The following TFEB variants were observed in gnomAD, a reference collection of about 807,000 sequenced individuals.
TFEB encodes the protein transcription factor EB.
A neutral mutation model predicts 48.0 loss-of-function variants in TFEB; 12 were observed. That is an observed-to-expected ratio of 0.25 (90% CI 0.16 to 0.40). The LOEUF (loss-of-function observed/expected upper bound fraction) is 0.40, where lower values mean the gene tolerates loss of function less well. Among genes scored for constraint, TFEB ranks in the 10% least tolerant of loss-of-function variants. The probability of loss-of-function intolerance (pLI) is 1.00; values close to 1 mark genes in which losing one functional copy is unlikely to be tolerated. For synonymous variants in TFEB, 244 were observed against 261.4 expected (o/e 0.93, Z 0.64); for missense variants, 509 against 640.3 (o/e 0.79, Z 2.21).
At chr6:41,702,897 T>C (rs1770007434) in intron 1 of TFEB, among the ~76,000 whole-genome samples, 1 of 152,208 alleles carries the variant, frequency 6.6e-6, no homozygotes, top group African/African-American at 2.4e-5. Context: ...ACAAATAACA[T>C]GCAGAGGCTG....
chr6:41,686,900 C>T, intron 7 of TFEB, 194 bp downstream of exon 7: 1 of 614,722 alleles, frequency 1.6e-6, no homozygotes, highest in Non-Finnish European at 2.9e-6. Context: ...ACTTCCAGGA[C>T]AGAAACTCAT....
In TFEB at chr6:41,695,379, T is replaced by TCA. The variant is rs144641581; in HGVS notation, c.-22-4146_-22-4145dup. Among the ~76,000 whole-genome samples the TCA allele has an allele frequency of 5.9e-5, 9 of 152,326 alleles. No individual in the cohort carries two copies. The East Asian group carries it at 1.7e-3, about 29-fold the overall frequency. The stretch of plus-strand genomic sequence containing the variant: ...GGTATATGTGTAGACAACAGGAAGA[T>TCA]CAGAGTACCAACCGCTAAATGCTTC... On this transcript the variant is annotated intron_variant, in intron 1 of 8. Transcript: ENST00000373033.
At chr6:41,703,356 C>T (rs1433921945) in intron 1 of TFEB, among the ~76,000 whole-genome samples, 2 of 152,108 alleles carry the variant, frequency 1.3e-5, no homozygotes, top group Non-Finnish European at 2.9e-5. Flanking sequence ...GGTCCCAGTG[C>T]CTAAGCCACC....
At chr6:41,697,408 C>CAAAAACAAAAAAAA (rs1769652042) in intron 1 of TFEB, among the ~76,000 whole-genome samples, 1 of 63,520 alleles carries the variant, frequency 1.6e-5, no homozygotes, top group African/African-American at 8.7e-5. Context: ...AACTCCATCT[C>CAAAAACAAAAAAAA]AAAAAAAAAA....
chr6:41,733,902 T>C, intron 1 of TFEB: 4 of 985,536 alleles, frequency 4.1e-6, no homozygotes, highest in Non-Finnish European at 4.8e-6. Flanking sequence ...CATCCCCAGC[T>C]GCCCAACAGT....
At chr6:41,685,654 T>A (rs544704351) in intron 8 of TFEB, among the ~76,000 whole-genome samples, 3 of 152,276 alleles carry the variant, frequency 2.0e-5, no homozygotes, top group Admixed American at 2.0e-4. Flanking sequence ...AGATTCCTAG[T>A]GCCACCCACC....
chr6:41,690,606 A>G, intron 3 of TFEB, 57 bp downstream of exon 3: 2 of 1,464,940 alleles, frequency 1.4e-6, no homozygotes, highest in Non-Finnish European at 9.0e-7. Flanking sequence ...TCTCAGAAGC[A>G]CAGCAGTGGG....
chr6:41,733,923 G>T (rs1245930618), intron 1 of TFEB: 1 of 981,464 alleles, frequency 1.0e-6, no homozygotes, highest in South Asian at 4.7e-5. Context: ...GCCAGGTCTG[G>T]GCCAATGGAA....
At chr6:41,695,424 C>T (rs574856471) in intron 1 of TFEB, among the ~76,000 whole-genome samples, 1 of 152,336 alleles carries the variant, frequency 6.6e-6, no homozygotes, top group African/African-American at 2.4e-5. Context: ...TGCCATGGGT[C>T]AGGGCTGGTC....
At chr6:41,714,171 G>GCA (rs1770621461) in intron 1 of TFEB, among the ~76,000 whole-genome samples, 1 of 143,108 alleles carries the variant, frequency 7.0e-6, no homozygotes, top group African/African-American at 2.8e-5. Flanking sequence ...GTGTGCATGT[G>GCA]TGCGTGTGTG....
At chr6:41,727,645 T>C (rs1771269158) in intron 1 of TFEB, among the ~76,000 whole-genome samples, 1 of 152,126 alleles carries the variant, frequency 6.6e-6, no homozygotes, top group African/African-American at 2.4e-5. Context: ...TGAGCCATGA[T>C]TGTGCCACTG....
chr6:41,735,420 C>T lies in TFEB; in HGVS notation c.-93G>A, dbSNP rs1771640428. 1 of 985,590 alleles carries T rather than the reference C, an allele frequency of 1.0e-6. No homozygotes were observed. The highest frequency in any genetic ancestry group is 1.1e-4 in the East Asian group (1 of 8,820). 61.1% of individuals were successfully genotyped at this position (985,590 alleles called of 1,614,324 possible). ...CGGCAACTTGTCGCAAGTTCGGGTG[C>T]CTGGCCCGCAAGCTGTGCCCGCCAC... On this transcript the variant is annotated 5_prime_UTR_variant, in exon 1 of 9. Transcript: ENST00000373033.
At chr6:41,705,665 C>G (rs897119410) in intron 1 of TFEB, 1 of 152,908 alleles carries the variant, frequency 6.5e-6, no homozygotes, top group Non-Finnish European at 1.5e-5. Context: ...CCACCGCAGG[C>G]TGGACCTCTT....
rs1771648610 is a variant in TFEB, at chr6:41,735,587, C to G, written c.-260G>C. On this transcript the variant is annotated 5_prime_UTR_variant, in exon 1 of 9. Coordinates refer to ENST00000373033, the MANE Select transcript of TFEB (RefSeq NM_001271944.2). ...GTCACCGAGCCCCGCGCCCGGCGCCCGGGCTCCGGCTGTCACTCCACGCAC... is the reference window on the plus strand; with the variant it reads ...GTCACCGAGCCCCGCGCCCGGCGCCGGGGCTCCGGCTGTCACTCCACGCAC... 1.0e-6 allele frequency: 1 copy of G among 982,308 alleles called. No individual in the cohort carries two copies. The highest frequency in any genetic ancestry group is 1.2e-6 in the Non-Finnish European group (1 of 827,430). The allele number at this position is 982,308 out of a possible 1,614,324, so 60.8% of individuals were successfully genotyped here.
At chr6:41,733,667 CAGG>C in intron 1 of TFEB, 1 of 985,468 alleles carries the variant, frequency 1.0e-6, no homozygotes, top group Non-Finnish European at 1.2e-6. Flanking sequence ...AGCATACCGT[CAGG>C]TTAGCAGGCA....
At chr6:41,690,939 G>T in intron 2 of TFEB, 22 bp from the exon 3 acceptor site, 1 of 1,571,520 alleles carries the variant, frequency 6.4e-7, no homozygotes, top group Non-Finnish European at 8.7e-7. Context: ...AAAAGGCAAG[G>T]GCTCTAGGGG....
chr6:41,701,589 C>T (rs1179033790), intron 1 of TFEB, among the ~76,000 whole-genome samples: 2 of 152,206 alleles, frequency 1.3e-5, no homozygotes. Flanking sequence ...CAATCACATT[C>T]ATCCACACAA....
intron 1 of TFEB, among the ~76,000 whole-genome samples, chr6:41,696,282 T>C (rs1378213822): frequency 6.6e-6 from 1 of 152,180 alleles, no homozygotes; most frequent in Admixed American, 6.5e-5. Context: ...GACCCCCTCC[T>C]ATGCATGCCC....
Position 41,686,061 on chromosome 6 carries a change from AC to A in TFEB, c.951+28del, listed in dbSNP as rs760835748. The A allele has an allele frequency of 4.0e-5, 65 of 1,614,082 alleles. No homozygotes were observed. In the Admixed American group the frequency reaches 8.0e-4, roughly 20 times the overall value. On this transcript the variant is annotated intron_variant, in intron 8 of 8. Transcript: ENST00000373033. ...AGGAGCCAGGTTAAGGGTCAGAGTT[AC>A]CAAAGAAGTCCAAGTTCAGGACCAG...
Sources: allele counts gnomAD v4.1 joint callset (sites outside exome capture counted in the v4.1 genomes callset), GRCh38; gene constraint gnomAD v4.1.1; transcripts MANE v1.5; gene names NCBI Gene and HGNC (gene_info 2026-07-23, HGNC 2026-07-21).